LRRTM4: variants seen among roughly 807,000 people sequenced by gnomAD.
LRRTM4 encodes leucine-rich repeat transmembrane neuronal protein 4.
Under a neutral mutation model 47.6 loss-of-function variants are expected in LRRTM4, and 25 were observed. The observed-to-expected ratio is 0.53, with a 90% CI of 0.38 to 0.73. The LOEUF is 0.73. LRRTM4 is among the 30% of genes least tolerant of loss of function. LRRTM4 has a pLI of 0.00. For synonymous variants in LRRTM4, 311 were observed against 269.5 expected (o/e 1.15, Z -1.51); for missense variants, 638 against 713.4 (o/e 0.89, Z 1.20).
At chr2:77,250,701 T>C (rs1675578471) in intron 3 of LRRTM4, among the ~76,000 whole-genome samples, 2 of 152,200 alleles carry the variant, frequency 1.3e-5, no homozygotes, top group Non-Finnish European at 1.5e-5. Flanking sequence ...ATGGGTTTGA[T>C]TTCTCTTTCT....
Position 77,506,225 on chromosome 2 carries a change from A to G in LRRTM4, c.1551+12093T>C, listed in dbSNP as rs115335754. 9.5e-3 allele frequency among the ~76,000 whole-genome samples: 1,435 copies of G among 151,788 alleles called. 8 individuals are homozygous for G. The highest frequency in any genetic ancestry group is 0.017 in the Non-Finnish European group (1,127 of 67,662). On this transcript the variant is annotated intron_variant, in intron 3 of 3. Coordinates refer to ENST00000409884, the MANE Select transcript of LRRTM4 (RefSeq NM_001134745.3). ...AGTAAAATATCCGGAGAGAATTATA[A>G]TATTTTAGCAGGAAAAAAACAAGTT...
At chr2:77,441,680 A>G (rs1235364779) in intron 3 of LRRTM4, among the ~76,000 whole-genome samples, 1 of 152,282 alleles carries the variant, frequency 6.6e-6, no homozygotes, top group East Asian at 1.9e-4. Flanking sequence ...GATATATAGA[A>G]TCACAAAATA....
intron 3 of LRRTM4, among the ~76,000 whole-genome samples, chr2:77,272,367 A>G (rs544955870): frequency 8.5e-5 from 13 of 152,292 alleles, no homozygotes; most frequent in African/African-American, 3.1e-4. Flanking sequence ...TAATGAACAT[A>G]GTAATAGCCA....
chr2:77,515,233 A>G (rs913744091), intron 3 of LRRTM4, among the ~76,000 whole-genome samples: 1 of 151,842 alleles, frequency 6.6e-6, no homozygotes, highest in African/African-American at 2.4e-5. Context: ...TTACTGCCCA[A>G]ATTATTAAAA....
At chr2:77,325,761 C>T (rs913901817) in intron 3 of LRRTM4, among the ~76,000 whole-genome samples, 3 of 152,220 alleles carry the variant, frequency 2.0e-5, no homozygotes, top group Non-Finnish European at 1.5e-5. Flanking sequence ...TGTGTGAAAG[C>T]TTTTTTCCCC....
At chr2:76,817,010 G>A (rs1670922831) in intron 3 of LRRTM4, among the ~76,000 whole-genome samples, 1 of 151,818 alleles carries the variant, frequency 6.6e-6, no homozygotes, top group East Asian at 1.9e-4. Context: ...TTCAGGTTAA[G>A]CCAGATTGTT....
intron 3 of LRRTM4, among the ~76,000 whole-genome samples, chr2:76,983,933 T>C (rs922458582): frequency 6.6e-6 from 1 of 152,088 alleles, no homozygotes; most frequent in Non-Finnish European, 1.5e-5. Context: ...ATTTTTCATA[T>C]ACTTTTTTAA....
rs80056371 is a variant in LRRTM4, at chr2:77,408,495, T to C, written c.1551+109823A>G. On this transcript the variant is annotated intron_variant, in intron 3 of 3. Coordinates refer to ENST00000409884, the MANE Select transcript of LRRTM4 (RefSeq NM_001134745.3). ...CTATCTGTTAAGTGTAGAATTTAACTCCTTAAGAAATATAAAATCAGTTCT... is the reference window on the plus strand; with the variant it reads ...CTATCTGTTAAGTGTAGAATTTAACCCCTTAAGAAATATAAAATCAGTTCT... Among the ~76,000 whole-genome samples the C allele has an allele frequency of 8.2e-3, 1,245 of 152,338 alleles. 19 individuals are homozygous for C. Among genetic ancestry groups the C allele is most frequent in the African/African-American group, 0.028 (1,175 of 41,566 alleles).
chr2:77,464,176 C>T (rs934003088), intron 3 of LRRTM4, among the ~76,000 whole-genome samples: 2 of 152,024 alleles, frequency 1.3e-5, no homozygotes, highest in African/African-American at 4.8e-5. Context: ...GAAGAGAGCA[C>T]ATGCCAGTTA....
At chr2:76,840,688 G>T (rs1464455563) in intron 3 of LRRTM4, among the ~76,000 whole-genome samples, 1 of 152,092 alleles carries the variant, frequency 6.6e-6, no homozygotes, top group Non-Finnish European at 1.5e-5. Context: ...ATGAACATAG[G>T]TAAGAAAACA....
chr2:76,905,582 G>A (rs1573291051), intron 3 of LRRTM4, among the ~76,000 whole-genome samples: 1 of 151,464 alleles, frequency 6.6e-6, no homozygotes, highest in Admixed American at 6.6e-5. Context: ...CAAAGGCAAA[G>A]AAGTTAAAAA....
chr2:76,844,733 A>T lies in LRRTM4; in HGVS notation c.1552-95817T>A, dbSNP rs146738395. ...TAATCCCCTCTTCTGAAATCATTAA[A>T]CATCTTACTTAATGATGTTTGGATG... On this transcript the variant is annotated intron_variant, in intron 3 of 3. Transcript: ENST00000409884. 4.3e-4 allele frequency among the ~76,000 whole-genome samples: 65 copies of T among 152,264 alleles called. 1 individual carries two copies. The East Asian group carries it at 0.013, about 29-fold the overall frequency.
chr2:76,898,428 A>G (rs913861840), intron 3 of LRRTM4, among the ~76,000 whole-genome samples: 1 of 151,858 alleles, frequency 6.6e-6, no homozygotes, highest in African/African-American at 2.4e-5. Context: ...CGAAACATTT[A>G]TAAAAGTTAG....
chr2:76,787,589 G>C (rs1240237061), intron 3 of LRRTM4, among the ~76,000 whole-genome samples: 1 of 151,234 alleles, frequency 6.6e-6, no homozygotes, highest in Admixed American at 6.6e-5. Context: ...TTTTTTTTTA[G>C]TGTTTTGGTT....
At chr2:76,834,022 A>ATTTAT (rs1478345589) in intron 3 of LRRTM4, among the ~76,000 whole-genome samples, 21 of 94,004 alleles carry the variant, frequency 2.2e-4, no homozygotes, top group Non-Finnish European at 2.1e-5. Context: ...TTTATTTATT[A>ATTTAT]TTTATTTATT....
intron 3 of LRRTM4, among the ~76,000 whole-genome samples, chr2:77,401,663 C>T (rs368130895): frequency 7.2e-5 from 11 of 151,854 alleles, no homozygotes; most frequent in South Asian, 4.2e-4. Context: ...AAATAGCTAC[C>T]GCCAGCCCTA....
intron 3 of LRRTM4, among the ~76,000 whole-genome samples, chr2:76,755,140 G>T (rs1022097534): frequency 2.0e-5 from 3 of 152,104 alleles, no homozygotes; most frequent in Admixed American, 6.5e-5. Context: ...TACATGAAAA[G>T]ATCTTGATTA....
intron 3 of LRRTM4, among the ~76,000 whole-genome samples, chr2:77,049,571 G>A (rs1679358444): frequency 6.6e-6 from 1 of 151,818 alleles, no homozygotes; most frequent in African/African-American, 2.4e-5. Flanking sequence ...TGAGATACCT[G>A]TTGACCGTTT....
At position 77,048,264 on chromosome 2, in the gene LRRTM4, G is replaced by A. The variant is rs539198455; in HGVS notation, c.1552-299348C>T. Among the ~76,000 whole-genome samples the A allele has an allele frequency of 2.0e-5, 3 of 152,048 alleles. No individual in the cohort carries two copies. In the East Asian group the frequency reaches 5.8e-4, roughly 29 times the overall value. ...GTGTGTGTAATGGTACATTCAGAAT[G>A]GTCAGCTGAAGTATTGGCGTGAGAA... On this transcript the variant is annotated intron_variant, in intron 3 of 3. Transcript: ENST00000409884.
Sources: allele counts gnomAD v4.1 joint callset (sites outside exome capture counted in the v4.1 genomes callset), GRCh38; gene constraint gnomAD v4.1.1; transcripts MANE v1.5; gene names NCBI Gene and HGNC (gene_info 2026-07-23, HGNC 2026-07-21).